The following PARD3B variants were observed in gnomAD, a reference collection of about 807,000 sequenced individuals.
PARD3B encodes the protein partitioning defective 3 homolog B.
Under a neutral mutation model 130.2 loss-of-function variants are expected in PARD3B, and 103 were observed. The observed-to-expected ratio is 0.79, with a 90% CI of 0.67 to 0.93. The LOEUF is 0.93. PARD3B is among the 40% of genes least tolerant of loss of function. PARD3B has a pLI of 0.00. For synonymous variants in PARD3B, 583 were observed against 553.2 expected (o/e 1.05, Z -0.76); for missense variants, 1,609 against 1,499.2 (o/e 1.07, Z -1.21).
rs2042309790 is a variant in PARD3B, at chr2:205,309,800, T to C, written c.2630+8099T>C. Among the ~76,000 whole-genome samples, 1 of 152,116 alleles carries C rather than the reference T, an allele frequency of 6.6e-6. No individual in the cohort carries two copies. The highest frequency in any genetic ancestry group is 1.5e-5 in the Non-Finnish European group (1 of 68,032). Reference sequence around the variant, plus strand: ...TCAGCAAACTAAGTATAATAACACATCCTGTCCAGGTTGTTGTAAAATTTA... The same window carrying C: ...TCAGCAAACTAAGTATAATAACACACCCTGTCCAGGTTGTTGTAAAATTTA... On this transcript the variant is annotated intron_variant, in intron 18 of 22. Coordinates refer to ENST00000406610, the MANE Select transcript of PARD3B (RefSeq NM_001302769.2). This position sits in a 1 kb window ranked among gnomAD's most constrained non-coding sequence, Gnocchi z 4.7.
At chr2:205,522,043 A>T (rs2051086009) in intron 21 of PARD3B, among the ~76,000 whole-genome samples, 1 of 151,856 alleles carries the variant, frequency 6.6e-6, no homozygotes, top group Non-Finnish European at 1.5e-5. Flanking sequence ...CCTTTTCTGT[A>T]AAATTATATC....
chr2:204,709,954 A>G (rs1384119276), intron 2 of PARD3B, among the ~76,000 whole-genome samples: 1 of 152,262 alleles, frequency 6.6e-6, no homozygotes, highest in Non-Finnish European at 1.5e-5. Flanking sequence ...TTCACAGGCT[A>G]AAGAAATCAT....
intron 4 of PARD3B, among the ~76,000 whole-genome samples, chr2:205,062,352 A>G (rs984744243): frequency 2.6e-5 from 4 of 152,184 alleles, no homozygotes; most frequent in African/African-American, 9.6e-5. Flanking sequence ...CACAGTGTGG[A>G]TGCCCTCAGA....
rs1041796620 is a variant in PARD3B at position 205,083,954 on chromosome 2, A to T, written c.505-20472A>T. Among the ~76,000 whole-genome samples the T allele has an allele frequency of 7.9e-5, 12 of 152,266 alleles. No homozygotes were observed. In the East Asian group the frequency reaches 2.3e-3, roughly 29 times the overall value. Reference sequence around the variant, plus strand: ...GCAGCTTCCCAACATCACGACATTTATATATAAATACTTCAGTGTACATCC... The same window carrying T: ...GCAGCTTCCCAACATCACGACATTTTTATATAAATACTTCAGTGTACATCC... On this transcript the variant is annotated intron_variant, in intron 4 of 22. Transcript: ENST00000406610.
At chr2:205,435,805 C>A (rs369380406) in intron 19 of PARD3B, among the ~76,000 whole-genome samples, 2 of 151,994 alleles carry the variant, frequency 1.3e-5, no homozygotes, top group African/African-American at 4.8e-5. Flanking sequence ...ATAATATTTA[C>A]ATTTTTTCTG....
intron 1 of PARD3B, among the ~76,000 whole-genome samples, chr2:204,572,795 T>C (rs971541565): frequency 1.3e-5 from 2 of 152,144 alleles, no homozygotes; most frequent in Non-Finnish European, 2.9e-5. Context: ...TGTCAGAAAC[T>C]TTGCCAGCCA....
intron 1 of PARD3B, among the ~76,000 whole-genome samples, chr2:204,574,789 C>T (rs150685438): frequency 1.3e-5 from 2 of 152,196 alleles, no homozygotes; most frequent in Non-Finnish European, 2.9e-5. Flanking sequence ...CTCAAGCAGA[C>T]TTTGAGCAGG....
chr2:205,175,383 T>A (rs1026130465), intron 12 of PARD3B, among the ~76,000 whole-genome samples: 4 of 152,154 alleles, frequency 2.6e-5, no homozygotes, highest in African/African-American at 9.7e-5. Flanking sequence ...GGGAAAAGTG[T>A]TACAAGCCTT....
chr2:204,949,671 G>A (rs1689609531), intron 2 of PARD3B, among the ~76,000 whole-genome samples: 1 of 151,904 alleles, frequency 6.6e-6, no homozygotes, highest in Non-Finnish European at 1.5e-5. Context: ...TGACATTAGT[G>A]GTATGCCTAC....
At chr2:205,296,998 T>C (rs1395697228) in intron 16 of PARD3B, among the ~76,000 whole-genome samples, 1 of 152,104 alleles carries the variant, frequency 6.6e-6, no homozygotes, top group Non-Finnish European at 1.5e-5. Flanking sequence ...GTGAGATCCT[T>C]CTTTTAGCAC....
At chr2:204,580,250 C>G (rs1325538468) in intron 1 of PARD3B, among the ~76,000 whole-genome samples, 1 of 150,012 alleles carries the variant, frequency 6.7e-6, no homozygotes, top group Non-Finnish European at 1.5e-5. Flanking sequence ...GGGGTACTTT[C>G]TCTCTCTTGT....
At chr2:204,759,714 A>G (rs1317341985) in intron 2 of PARD3B, among the ~76,000 whole-genome samples, 2 of 152,064 alleles carry the variant, frequency 1.3e-5, no homozygotes, top group African/African-American at 2.4e-5. Context: ...TTTGATACCT[A>G]TTGCCCAAGT....
At chr2:204,923,512 G>A (rs1204979770) in intron 2 of PARD3B, among the ~76,000 whole-genome samples, 4 of 151,602 alleles carry the variant, frequency 2.6e-5, no homozygotes, top group Admixed American at 1.3e-4. Context: ...TTCTTTTTAT[G>A]TATTATATAA....
chr2:205,356,940 C>A (rs1388213373), intron 18 of PARD3B, among the ~76,000 whole-genome samples: 2 of 149,588 alleles, frequency 1.3e-5, no homozygotes, highest in Non-Finnish European at 3.0e-5. Context: ...CCAGTAACAA[C>A]AAACACAAGG....
At chr2:204,871,654 C>T (rs533918997) in intron 2 of PARD3B, among the ~76,000 whole-genome samples, 28 of 152,098 alleles carry the variant, frequency 1.8e-4, no homozygotes, top group Non-Finnish European at 2.5e-4. Flanking sequence ...TGTTAATTGA[C>T]AAATTTCCTG....
chr2:204,911,358 A>C (rs987035255), intron 2 of PARD3B, among the ~76,000 whole-genome samples: 4 of 152,192 alleles, frequency 2.6e-5, no homozygotes, highest in Non-Finnish European at 5.9e-5. Context: ...TCATCAACGT[A>C]CTTGGCCTTA....
intron 22 of PARD3B, among the ~76,000 whole-genome samples, chr2:205,602,819 T>A (rs1021087300): frequency 1.3e-5 from 2 of 152,238 alleles, no homozygotes; most frequent in Admixed American, 6.5e-5. Flanking sequence ...AGCTCTTGGA[T>A]TCATTGATTT....
chr2:205,296,648 G>A (rs535382481), intron 16 of PARD3B, among the ~76,000 whole-genome samples: 2 of 146,786 alleles, frequency 1.4e-5, no homozygotes, highest in East Asian at 4.0e-4. Context: ...CTTTAGTCTT[G>A]GAGTGTGTTT....
At chr2:205,424,505 G>A (rs529719437) in intron 19 of PARD3B, among the ~76,000 whole-genome samples, 6 of 152,254 alleles carry the variant, frequency 3.9e-5, no homozygotes, top group South Asian at 2.1e-4. Context: ...GTGGACAGCC[G>A]TGATCCCCAT....
Sources: allele counts gnomAD v4.1 joint callset (sites outside exome capture counted in the v4.1 genomes callset), GRCh38; gene constraint gnomAD v4.1.1; non-coding constraint Gnocchi (gnomAD v3.1); transcripts MANE v1.5; gene names NCBI Gene and HGNC (gene_info 2026-07-23, HGNC 2026-07-21).